UNC13C: variants seen among roughly 807,000 people sequenced by gnomAD.
The protein encoded by UNC13C is protein unc-13 homolog C.
A neutral mutation model predicts 245.4 loss-of-function variants in UNC13C; 174 were observed. The observed-to-expected ratio is 0.71, with a 90% CI of 0.63 to 0.80. The LOEUF (loss-of-function observed/expected upper bound fraction) is 0.80, where lower values mean the gene tolerates loss of function less well. Ranked by LOEUF, UNC13C falls within the 30% of genes least tolerant of loss-of-function variation. UNC13C has a pLI of 0.00. For missense variants in UNC13C, 2,829 were observed against 2,602.9 expected (o/e 1.09, Z -1.89); for synonymous variants, 992 against 895.1 (o/e 1.11, Z -1.93).
intron 1 of UNC13C, among the ~76,000 whole-genome samples, chr15:53,988,900 T>C (rs193033295): frequency 1.3e-5 from 2 of 152,110 alleles, no homozygotes; most frequent in African/African-American, 4.8e-5. Context: ...TAAATATTTA[T>C]TGTGTGAATG....
chr15:54,111,509 G>A (rs1299956962), intron 2 of UNC13C, among the ~76,000 whole-genome samples: 2 of 152,150 alleles, frequency 1.3e-5, no homozygotes. Flanking sequence ...TGAAGACCTT[G>A]CCTCAGCCCC....
chr15:54,187,900 C>G (rs954759782), intron 4 of UNC13C, among the ~76,000 whole-genome samples: 1 of 152,142 alleles, frequency 6.6e-6, no homozygotes, highest in Non-Finnish European at 1.5e-5. Context: ...ACCTCCACCT[C>G]CCGGGTGCAA....
At chr15:54,330,251 A>G (rs1596231997) in intron 14 of UNC13C, among the ~76,000 whole-genome samples, 1 of 152,102 alleles carries the variant, frequency 6.6e-6, no homozygotes, top group East Asian at 1.9e-4. Flanking sequence ...CTCTTTTTAA[A>G]TCTTTCAAAA....
chr15:54,586,310 A>C (rs939841745), intron 30 of UNC13C, among the ~76,000 whole-genome samples: 3 of 152,204 alleles, frequency 2.0e-5, no homozygotes, highest in Non-Finnish European at 4.4e-5. Context: ...TGGGTAACTT[A>C]AACAAGAGAT....
intron 14 of UNC13C, among the ~76,000 whole-genome samples, 190 bp from the exon 15 acceptor site, chr15:54,331,853 T>C (rs1434946361): frequency 6.6e-6 from 1 of 152,050 alleles, no homozygotes; most frequent in African/African-American, 2.4e-5. Context: ...GAAAAGACCA[T>C]GAATTTGGTG....
At chr15:54,629,289 G>T (rs1253792717), downstream of UNC13C, 1 of 152,130 alleles carries the variant, frequency 6.6e-6, no homozygotes, top group African/African-American at 2.4e-5. Flanking sequence ...CTACTTGAGG[G>T]TAGGAGGAGG....
chr15:53,855,768 T>C, the UNC13C span, among the ~76,000 whole-genome samples: 1 of 152,206 alleles, frequency 6.6e-6, no homozygotes, highest in South Asian at 2.1e-4. Context: ...TTGTTGTATC[T>C]CTGCTAGGTT....
intron 4 of UNC13C, among the ~76,000 whole-genome samples, chr15:54,189,093 T>C (rs1374587500): frequency 1.3e-5 from 2 of 152,134 alleles, no homozygotes; most frequent in Non-Finnish European, 2.9e-5. Flanking sequence ...GCACCAAAAA[T>C]AATAAAATAG....
intron 29 of UNC13C, among the ~76,000 whole-genome samples, chr15:54,560,548 C>T (rs1001303072): frequency 2.0e-5 from 3 of 151,696 alleles, no homozygotes; most frequent in African/African-American, 7.3e-5. Flanking sequence ...GAAAATGATA[C>T]TTCATATATA....
intron 19 of UNC13C, among the ~76,000 whole-genome samples, chr15:54,428,319 T>C (rs527349775): frequency 3.4e-4 from 51 of 151,812 alleles, no homozygotes; most frequent in Admixed American, 9.2e-4. Flanking sequence ...AGGCCCTGTC[T>C]CTGAACTCAT....
chr15:54,469,369 A>G (rs1892338034), intron 19 of UNC13C, among the ~76,000 whole-genome samples: 2 of 151,488 alleles, frequency 1.3e-5, no homozygotes, highest in African/African-American at 2.4e-5. Flanking sequence ...TCATGCCATC[A>G]GCAAGCAGAT....
intron 4 of UNC13C, among the ~76,000 whole-genome samples, chr15:54,230,342 T>C (rs1596047854): frequency 6.6e-6 from 1 of 152,104 alleles, no homozygotes; most frequent in African/African-American, 2.4e-5. Context: ...TAATAATTAG[T>C]TGTATTGTGT....
At chr15:54,156,566 T>C (rs1306894379) in intron 4 of UNC13C, among the ~76,000 whole-genome samples, 1 of 152,060 alleles carries the variant, frequency 6.6e-6, no homozygotes, top group Non-Finnish European at 1.5e-5. Flanking sequence ...TGCATTTATT[T>C]GTATCAAGTG....
chr15:54,623,416 A>G (rs570750090), intron 31 of UNC13C, among the ~76,000 whole-genome samples: 36 of 152,316 alleles, frequency 2.4e-4, no homozygotes, highest in African/African-American at 8.7e-4. Flanking sequence ...AAATATTGAA[A>G]GCATACAATC....
the UNC13C span, among the ~76,000 whole-genome samples, chr15:53,960,907 A>T: frequency 8.5e-5 from 13 of 152,230 alleles, no homozygotes; most frequent in African/African-American, 2.9e-4. Flanking sequence ...ATAATGAAGT[A>T]TTATAAATTA....
chr15:54,318,909 C>T (rs1596210188), intron 13 of UNC13C, among the ~76,000 whole-genome samples: 2 of 151,870 alleles, frequency 1.3e-5, no homozygotes, highest in South Asian at 4.1e-4. Context: ...TCCTGTGTCG[C>T]TCTACTATTT....
intron 29 of UNC13C, among the ~76,000 whole-genome samples, chr15:54,566,738 A>G (rs1192940370): frequency 6.6e-6 from 1 of 152,134 alleles, no homozygotes; most frequent in Non-Finnish European, 1.5e-5. Context: ...ATAGGGAAAA[A>G]AAAACTGAGA....
the UNC13C span, among the ~76,000 whole-genome samples, chr15:53,925,755 C>T: frequency 6.6e-6 from 1 of 152,178 alleles, no homozygotes; most frequent in East Asian, 1.9e-4. Context: ...TTACCAGTGA[C>T]ACTAGCTCGC....
At chr15:54,566,040 A>G (rs1897495766) in intron 29 of UNC13C, among the ~76,000 whole-genome samples, 1 of 151,948 alleles carries the variant, frequency 6.6e-6, no homozygotes, top group African/African-American at 2.4e-5. Flanking sequence ...AAATATTAAG[A>G]GAGAAAGTGC....
Sources: gnomAD v4.1 joint callset for allele counts (sites outside exome capture counted in the v4.1 genomes callset) on GRCh38, gnomAD v4.1.1 for gene constraint, MANE v1.5 for transcripts, NCBI Gene and HGNC (gene_info 2026-07-23, HGNC 2026-07-21) for gene names.